The following DGKH variants were observed in gnomAD, a reference collection of about 807,000 sequenced individuals.
DGKH encodes DAG kinase eta.
Under a neutral mutation model 159.3 loss-of-function variants are expected in DGKH, and 90 were observed. The observed-to-expected ratio is 0.57, with a 90% CI of 0.48 to 0.67. The LOEUF is 0.67. Ranked by LOEUF, DGKH falls within the 30% of genes least tolerant of loss-of-function variation. The pLI is 0.00. For synonymous variants in DGKH, 536 were observed against 553.8 expected (o/e 0.97, Z 0.45); for missense variants, 1,181 against 1,506.1 (o/e 0.78, Z 3.57).
chr13:42,206,739 T>C (rs1957482443), intron 21 of DGKH, among the ~76,000 whole-genome samples: 1 of 152,126 alleles, frequency 6.6e-6, no homozygotes, highest in Non-Finnish European at 1.5e-5. Flanking sequence ...ATGGCATCTC[T>C]CTGATGTCTG....
At chr13:42,154,857 G>A (rs1006399777) in intron 3 of DGKH, among the ~76,000 whole-genome samples, 1 of 151,058 alleles carries the variant, frequency 6.6e-6, no homozygotes, top group Non-Finnish European at 1.5e-5. Context: ...TGGCCAACAT[G>A]GTGAAACCCT....
In DGKH at chr13:42,155,782, A is replaced by C. The variant is rs777819084; in HGVS notation, c.605A>C (p.His202Pro). The change falls in exon 5 of 30, where the codon CAT becomes CCT. Residue 202 changes from histidine to proline, a missense_variant. Transcript: ENST00000337343. ...CRESLSGVTS[H>P]GLSCEVCKFK... The stretch of plus-strand genomic sequence containing the variant: ...GAGAGTCTTTCTGGAGTCACCTCCC[A>C]TGGCCTGTCCTGCGAAGGTACTGTA... 6.2e-7 allele frequency: 1 copy of C among 1,614,126 alleles called. No homozygotes were observed. Among genetic ancestry groups the C allele is most frequent in the East Asian group, 2.2e-5 (1 of 44,872 alleles).
At chr13:42,222,789 A>G (rs1171365198) in intron 29 of DGKH, among the ~76,000 whole-genome samples, 2 of 152,208 alleles carry the variant, frequency 1.3e-5, no homozygotes, top group Non-Finnish European at 2.9e-5. Flanking sequence ...GTGTATGTAT[A>G]AAAAATATAC....
In DGKH at chr13:42,186,016, T is replaced by TGGTG. The variant is rs1566170010; in HGVS notation, c.1539-1032_1539-1031insGTGG. On this transcript the variant is annotated intron_variant, in intron 13 of 29. Coordinates refer to ENST00000337343, the MANE Select transcript of DGKH (RefSeq NM_178009.5). ...GAGGAGTGGTGGTGGTGGTGGTGTG[T>TGGTG]GTGTGTGTGTGTGTGTGTGTGTGTG... Among the ~76,000 whole-genome samples, 34 of 92,374 alleles carry TGGTG rather than the reference T, an allele frequency of 3.7e-4. 1 individual carries two copies. Among genetic ancestry groups the TGGTG allele is most frequent in the East Asian group, 3.6e-3 (12 of 3,298 alleles). The allele number at this position is 92,374 out of a possible 152,430, so 60.6% of individuals were successfully genotyped here.
At chr13:42,042,583 T>C (rs1880577371) in intron 1 of DGKH, among the ~76,000 whole-genome samples, 1 of 152,236 alleles carries the variant, frequency 6.6e-6, no homozygotes, top group Non-Finnish European at 1.5e-5. Context: ...GAAGGCCTTT[T>C]CATTTGCTCT....
intron 1 of DGKH, among the ~76,000 whole-genome samples, chr13:42,113,911 T>G (rs1236126221): frequency 6.6e-6 from 1 of 152,112 alleles, no homozygotes; most frequent in Non-Finnish European, 1.5e-5. Context: ...GGGTAAAACA[T>G]GGGTCTGTGT....
intron 1 of DGKH, among the ~76,000 whole-genome samples, chr13:42,077,423 G>C (rs1954120674): frequency 6.6e-6 from 1 of 152,082 alleles, no homozygotes; most frequent in Non-Finnish European, 1.5e-5. Context: ...GCTTCATGAA[G>C]CTTTACTATT....
chr13:42,149,122 C>T (rs73187279), intron 3 of DGKH, among the ~76,000 whole-genome samples: 12,317 of 151,808 alleles, frequency 0.081, 610 homozygotes, highest in Middle Eastern at 0.14. Context: ...AGAGATGGGG[C>T]CTTGTGATAT....
chr13:42,221,540 T>C (rs1302840610), intron 29 of DGKH, 146 bp downstream of exon 29: 2 of 1,041,786 alleles, frequency 1.9e-6, no homozygotes, highest in African/African-American at 3.2e-5. Context: ...GTGGTCTGAG[T>C]TTCTTGTATG....
intron 1 of DGKH, among the ~76,000 whole-genome samples, chr13:42,083,476 A>G (rs904478882): frequency 3.3e-5 from 5 of 152,218 alleles, no homozygotes; most frequent in African/African-American, 1.2e-4. Context: ...TACAAATGCA[A>G]GTTTGGGTTA....
At chr13:42,051,790 C>T (rs958791896) in intron 1 of DGKH, among the ~76,000 whole-genome samples, 5 of 151,324 alleles carry the variant, frequency 3.3e-5, no homozygotes, top group Middle Eastern at 3.4e-3. Flanking sequence ...CTCAGCCTCC[C>T]GAGTAGCTGG....
intron 8 of DGKH, 34 bp downstream of exon 8, chr13:42,165,467 G>A: frequency 8.1e-7 from 1 of 1,236,508 alleles, no homozygotes; most frequent in South Asian, 1.6e-5. Flanking sequence ...GTATATTTCT[G>A]GTATATTTAA....
chr13:42,244,882 C>A (rs173213), downstream of DGKH, among the ~76,000 whole-genome samples: 2 of 107,868 alleles, frequency 1.9e-5, no homozygotes, highest in Non-Finnish European at 3.4e-5. Flanking sequence ...CCAGCCTGGG[C>A]GACAGAGCGA....
chr13:42,113,141 T>A (rs1387446584), intron 1 of DGKH, among the ~76,000 whole-genome samples: 1 of 152,128 alleles, frequency 6.6e-6, no homozygotes, highest in African/African-American at 2.4e-5. Context: ...CCTAAAAATG[T>A]GTTTTAGGAA....
At chr13:42,182,758 G>A (rs1052879456) in intron 13 of DGKH, among the ~76,000 whole-genome samples, 18 of 152,124 alleles carry the variant, frequency 1.2e-4, no homozygotes, top group African/African-American at 3.9e-4. Context: ...TTGTGTGCAC[G>A]TGTGCATGTG....
chr13:42,180,205 A>G (rs1566164111), intron 13 of DGKH, among the ~76,000 whole-genome samples: 2 of 152,240 alleles, frequency 1.3e-5, no homozygotes, highest in Admixed American at 6.5e-5. Flanking sequence ...ACTTAGGTGT[A>G]TGAACTGGGC....
intron 3 of DGKH, among the ~76,000 whole-genome samples, chr13:42,150,877 T>C (rs1236744568): frequency 1.3e-5 from 2 of 151,914 alleles, no homozygotes; most frequent in African/African-American, 2.4e-5. Flanking sequence ...ATTGTGATCA[T>C]GTGATCTTCA....
rs1393935352 is a variant in DGKH, at chr13:42,240,788, A to G, written c.*11600A>G. ...TATCACCAAATACTCATAAAGGCTA[A>G]CACAGAAAGCTTTTCCAAGTTAATA... On this transcript the variant is annotated 3_prime_UTR_variant, in exon 30 of 30. Transcript: ENST00000337343. 6.6e-6 allele frequency: 1 copy of G among 152,214 alleles called. No homozygotes were observed. The highest frequency in any genetic ancestry group is 2.4e-5 in the African/African-American group (1 of 41,444). 9.4% of individuals were successfully genotyped at this position (152,214 alleles called of 1,614,324 possible).
intron 26 of DGKH, among the ~76,000 whole-genome samples, chr13:42,217,171 T>C (rs1300521617): frequency 6.6e-6 from 1 of 152,238 alleles, no homozygotes; most frequent in Non-Finnish European, 1.5e-5. Context: ...CCAGAATGAA[T>C]TTGTAATAAC....
Sources: gnomAD v4.1 joint callset for allele counts (sites outside exome capture counted in the v4.1 genomes callset) on GRCh38, gnomAD v4.1.1 for gene constraint, MANE v1.5 for transcripts, NCBI Gene and HGNC (gene_info 2026-07-23, HGNC 2026-07-21) for gene names.